PTPRT: variants seen among roughly 807,000 people sequenced by gnomAD.
PTPRT encodes the protein receptor-type tyrosine-protein phosphatase T.
PTPRT carries 56 observed loss-of-function variants against 176.8 expected under a neutral mutation model. The observed-to-expected ratio is 0.32, with a 90% CI of 0.26 to 0.40. The LOEUF is 0.40. Ranked by LOEUF, PTPRT falls within the 10% of genes least tolerant of loss-of-function variation. PTPRT has a pLI of 1.00. For synonymous variants in PTPRT, 783 were observed against 739.0 expected, an observed-to-expected ratio of 1.06 and a Z score of -0.96; for missense variants, 1,540 against 1,908.2, an observed-to-expected ratio of 0.81 and a Z score of 3.60.
At chr20:42,482,809 C>T (rs548516766) in intron 7 of PTPRT, among the ~76,000 whole-genome samples, 118 of 152,088 alleles carry the variant, frequency 7.8e-4, no homozygotes, top group African/African-American at 2.7e-3. Flanking sequence ...CGGCTTAGCT[C>T]GAAATATTTT....
At chr20:42,379,342 T>A (rs2058678750) in intron 9 of PTPRT, among the ~76,000 whole-genome samples, 2 of 152,242 alleles carry the variant, frequency 1.3e-5, no homozygotes, top group African/African-American at 4.8e-5. Context: ...TCTATTCATT[T>A]CCCTGCAGCA....
At chr20:42,628,128 G>A (rs997893) in intron 7 of PTPRT, among the ~76,000 whole-genome samples, 57,756 of 151,948 alleles carry the variant, frequency 0.38, 12,992 homozygotes, top group African/African-American at 0.63. Context: ...TGGGAGTGCA[G>A]TGGAGTCAGG....
intron 7 of PTPRT, among the ~76,000 whole-genome samples, chr20:42,589,353 C>A (rs1028511205): frequency 2.6e-5 from 4 of 152,170 alleles, no homozygotes; most frequent in African/African-American, 9.7e-5. Flanking sequence ...GCAAGAGGTA[C>A]CTCTGAGAGC....
chr20:42,859,766 A>AT (rs1354468061), intron 2 of PTPRT, among the ~76,000 whole-genome samples: 2 of 143,230 alleles, frequency 1.4e-5, no homozygotes, highest in Non-Finnish European at 3.1e-5. Context: ...TTTTTTTTGT[A>AT]TTTTTTTAGT....
intron 2 of PTPRT, among the ~76,000 whole-genome samples, chr20:42,812,724 T>C (rs1394616921): frequency 6.6e-6 from 1 of 152,180 alleles, no homozygotes; most frequent in Non-Finnish European, 1.5e-5. Flanking sequence ...GCAAGTTACG[T>C]AACTATATCT....
intron 9 of PTPRT, among the ~76,000 whole-genome samples, chr20:42,355,584 G>A (rs2058348034): frequency 1.3e-5 from 2 of 152,206 alleles, no homozygotes; most frequent in Non-Finnish European, 1.5e-5. Context: ...AAAGCCCAGA[G>A]CCACTGCAGA....
At chr20:42,506,052 GGGTTACATACATCCCAAACCA>G (rs2071838415) in intron 7 of PTPRT, among the ~76,000 whole-genome samples, 2 of 152,044 alleles carry the variant, frequency 1.3e-5, no homozygotes, top group African/African-American at 2.4e-5. Context: ...CATTAACTCA[GGGTTACATACATCCCAAACCA>G]GGCTCAATGG....
chr20:42,627,672 C>T (rs993550714), intron 7 of PTPRT, among the ~76,000 whole-genome samples: 2 of 152,072 alleles, frequency 1.3e-5, no homozygotes, highest in Admixed American at 1.3e-4. Context: ...CAGAACAATT[C>T]CATGTCCTAT....
At chr20:42,967,366 A>C (rs909961239) in intron 1 of PTPRT, among the ~76,000 whole-genome samples, 2 of 152,170 alleles carry the variant, frequency 1.3e-5, no homozygotes, top group Non-Finnish European at 2.9e-5. Flanking sequence ...TCCAGTAACG[A>C]GTGTCCTTAT....
At chr20:42,579,073 A>C (rs1237855726) in intron 7 of PTPRT, among the ~76,000 whole-genome samples, 4 of 97,964 alleles carry the variant, frequency 4.1e-5, no homozygotes, top group Non-Finnish European at 7.6e-5. Context: ...CCCACCCCAC[A>C]ACAGGCCCTG....
chr20:42,749,383 C>T (rs565546975), intron 6 of PTPRT, among the ~76,000 whole-genome samples: 147 of 152,304 alleles, frequency 9.7e-4, no homozygotes, highest in Non-Finnish European at 1.9e-3. Context: ...GTCGGAGAGG[C>T]TATCCCAGAC....
At chr20:42,420,156 G>C (rs1415821883) in intron 9 of PTPRT, among the ~76,000 whole-genome samples, 3 of 152,070 alleles carry the variant, frequency 2.0e-5, no homozygotes, top group African/African-American at 7.2e-5. Context: ...AATCATATCG[G>C]GTTGCTATGT....
chr20:42,577,768 C>T (rs995641803), intron 7 of PTPRT, among the ~76,000 whole-genome samples: 2 of 151,264 alleles, frequency 1.3e-5, no homozygotes, highest in African/African-American at 4.8e-5. Context: ...TGGCCAGATG[C>T]AGGCACTGGC....
intron 1 of PTPRT, among the ~76,000 whole-genome samples, chr20:43,106,979 G>A (rs1286263828): frequency 6.6e-6 from 1 of 151,878 alleles, no homozygotes; most frequent in Admixed American, 6.6e-5. Flanking sequence ...TAGTAGAGAT[G>A]GGGTTTCTCC....
chr20:42,222,367 G>T (rs1263671229), intron 15 of PTPRT, among the ~76,000 whole-genome samples: 2 of 152,206 alleles, frequency 1.3e-5, no homozygotes, highest in Admixed American at 1.3e-4. Context: ...ACTCTGCCTG[G>T]TTTATAACTC....
At chr20:43,047,860 GA>G (rs1986897506) in intron 1 of PTPRT, among the ~76,000 whole-genome samples, 1 of 152,152 alleles carries the variant, frequency 6.6e-6, no homozygotes, top group South Asian at 2.1e-4. Flanking sequence ...CAGAGGCTGA[GA>G]AAAGTTAAAC....
At chr20:43,070,031 A>C (rs952671634) in intron 1 of PTPRT, among the ~76,000 whole-genome samples, 2 of 152,216 alleles carry the variant, frequency 1.3e-5, no homozygotes, top group Non-Finnish European at 2.9e-5. Context: ...CAAAAGTCAC[A>C]GACAGGCAGC....
At chr20:43,016,691 C>T (rs982155276) in intron 1 of PTPRT, among the ~76,000 whole-genome samples, 1 of 151,404 alleles carries the variant, frequency 6.6e-6, no homozygotes. Flanking sequence ...AGGTGCATCA[C>T]CACACCCAGT....
intron 6 of PTPRT, among the ~76,000 whole-genome samples, chr20:42,751,716 C>G (rs1370011713): frequency 6.6e-6 from 1 of 152,126 alleles, no homozygotes; most frequent in Non-Finnish European, 1.5e-5. Flanking sequence ...CATCAGGCCT[C>G]AACTTCTTTG....
Sources: allele counts gnomAD v4.1 joint callset (sites outside exome capture counted in the v4.1 genomes callset), GRCh38; gene constraint gnomAD v4.1.1; transcripts MANE v1.5; gene names NCBI Gene and HGNC (gene_info 2026-07-23, HGNC 2026-07-21).